EDNRB: variants seen among roughly 807,000 people sequenced by gnomAD.
The protein encoded by EDNRB is Hirschsprung disease 2.
Under a neutral mutation model 46.4 loss-of-function variants are expected in EDNRB, and 18 were observed. The ratio of observed to expected loss-of-function variants is 0.39; its 90% CI spans 0.27 to 0.57. EDNRB has a LOEUF of 0.57. Ranked by LOEUF, EDNRB falls within the 20% of genes least tolerant of loss-of-function variation. The pLI is 0.61. For missense variants in EDNRB, 434 were observed against 537.5 expected, an observed-to-expected ratio of 0.81 and a Z score of 1.90; for synonymous variants, 213 against 204.9, an observed-to-expected ratio of 1.04 and a Z score of -0.34.
chr13:77,917,153 G>A (rs1332472486), intron 1 of EDNRB, among the ~76,000 whole-genome samples: 1 of 152,040 alleles, frequency 6.6e-6, no homozygotes, highest in African/African-American at 2.4e-5. Flanking sequence ...TAATTGATGG[G>A]GTGCCATCAT....
At chr13:77,950,416 A>G (rs1269638470) in intron 1 of EDNRB, among the ~76,000 whole-genome samples, 1 of 152,170 alleles carries the variant, frequency 6.6e-6, no homozygotes, top group African/African-American at 2.4e-5. Flanking sequence ...ATAGGGGACA[A>G]TGGGTTTCCA....
At position 77,918,537 on chromosome 13, in the gene EDNRB, C is replaced by T; in HGVS notation, c.37G>A (p.Val13Ile). 1 of 1,595,228 alleles carries T rather than the reference C, an allele frequency of 6.3e-7. No individual in the cohort carries two copies. Among genetic ancestry groups the T allele is most frequent in the Non-Finnish European group, 8.5e-7 (1 of 1,173,468 alleles). Reference sequence around the variant, plus strand: ...AGGCCGCAGGCAAGAACCAGCGCAACCAGGGCGCGTCCGCACAGACTTGGA... The same window carrying T: ...AGGCCGCAGGCAAGAACCAGCGCAATCAGGGCGCGTCCGCACAGACTTGGA... ...PPPSLCGRAL[V>I]ALVLACGLSR... The change falls in exon 1 of 7, where the codon GTT (valine) becomes ATT (isoleucine). Residue 13 changes from valine to isoleucine, a missense_variant. By Grantham distance (29) the Val-to-Ile change is conservative. Coordinates refer to ENST00000646607, the MANE Select transcript of EDNRB (RefSeq NM_001122659.3). This position sits in a 1 kb window ranked among gnomAD's most constrained non-coding sequence, Gnocchi z 4.5.
rs368695760 is a variant in EDNRB, at chr13:77,949,909, A to G, written c.-52+25438T>C. On this transcript the variant is annotated intron_variant, in intron 1 of 7. Transcript: ENST00000646948. ...TTTCATACATTTCTCATCCCTTCCA[A>G]CCAAAGAGTGACCATATAACCTCTC... Among the ~76,000 whole-genome samples the G allele has an allele frequency of 4.1e-4, 62 of 152,188 alleles. No individual in the cohort carries two copies. The South Asian group carries it at 0.012, about 31-fold the overall frequency.
chr13:77,901,307 T>A, intron 3 of EDNRB, 100 bp from the exon 4 acceptor site: 8 of 1,271,092 alleles, frequency 6.3e-6, no homozygotes, highest in Non-Finnish European at 8.9e-6. Context: ...AATGATTATC[T>A]TCTAAATTAG....
At chr13:77,965,975 C>T (rs1881568187) in intron 1 of EDNRB, among the ~76,000 whole-genome samples, 1 of 152,188 alleles carries the variant, frequency 6.6e-6, no homozygotes. Context: ...CTTTTGGTCT[C>T]AAGCAATCCT....
rs1050928 is a variant in EDNRB at position 77,918,610 on chromosome 13, C to T, written c.-37G>A. 1.9e-6 allele frequency: 3 copies of T among 1,560,544 alleles called. No individual in the cohort carries two copies. The African/African-American group carries it at 4.1e-5, about 21-fold the overall frequency. On this transcript the variant is annotated 5_prime_UTR_variant, in exon 1 of 7. Transcript: ENST00000646607. This position sits in a 1 kb window ranked among gnomAD's most constrained non-coding sequence, Gnocchi z 4.5. ...CTCCAGAAGGCGTCCGGTGGCCGCT[C>T]CGCAGTTTCAGAGCCTAGAGACAAG...
upstream of EDNRB, among the ~76,000 whole-genome samples, chr13:77,923,857 T>G (rs1036993182): frequency 2.6e-5 from 4 of 152,076 alleles, no homozygotes; most frequent in Admixed American, 2.6e-4. Flanking sequence ...AAAAGGAGAA[T>G]TCCCACAGCA....
intron 1 of EDNRB, among the ~76,000 whole-genome samples, chr13:77,946,254 G>T (rs772263423): frequency 4.7e-4 from 71 of 152,214 alleles, no homozygotes; most frequent in Non-Finnish European, 7.8e-4. Context: ...CTATAGTATA[G>T]AATCCCATTC....
At chr13:77,956,215 A>G (rs576373906) in intron 1 of EDNRB, among the ~76,000 whole-genome samples, 1 of 152,148 alleles carries the variant, frequency 6.6e-6, no homozygotes, top group South Asian at 2.1e-4. Context: ...AGTGTCTTAC[A>G]CTTTTCAGTG....
intron 1 of EDNRB, among the ~76,000 whole-genome samples, chr13:77,974,647 C>A (rs1416712215): frequency 6.6e-6 from 1 of 151,358 alleles, no homozygotes; most frequent in East Asian, 1.9e-4. Context: ...CCTCTGCCAG[C>A]CACTTATGCT....
intron 1 of EDNRB, among the ~76,000 whole-genome samples, chr13:77,911,235 C>G (rs1162691565): frequency 6.6e-6 from 1 of 151,992 alleles, no homozygotes; most frequent in Non-Finnish European, 1.5e-5. Context: ...GAATGAGAAC[C>G]TGAGGGCCTC....
intron 1 of EDNRB, among the ~76,000 whole-genome samples, chr13:77,934,689 G>A (rs1054376368): frequency 6.7e-5 from 10 of 149,300 alleles, no homozygotes; most frequent in South Asian, 2.2e-4. Context: ...AGGGGGGGGG[G>A]GGCCTGAATA....
chr13:77,930,858 C>A (rs1880374084), intron 1 of EDNRB, among the ~76,000 whole-genome samples: 1 of 152,008 alleles, frequency 6.6e-6, no homozygotes, highest in Non-Finnish European at 1.5e-5. Context: ...ACACGCACAG[C>A]TGGGTCTCGT....
At chr13:77,929,948 T>C (rs1880343255) in intron 1 of EDNRB, among the ~76,000 whole-genome samples, 1 of 152,342 alleles carries the variant, frequency 6.6e-6, no homozygotes, top group Non-Finnish European at 1.5e-5. Flanking sequence ...TTTACTAATA[T>C]ATGTTCTGGT....
chr13:77,908,021 CAAAAAAA>C (rs1215042889), intron 1 of EDNRB, among the ~76,000 whole-genome samples: 30 of 55,108 alleles, frequency 5.4e-4, no homozygotes, highest in Admixed American at 3.5e-3. Context: ...AAAGAGACTG[CAAAAAAA>C]AAAAAAAAAA....
Position 77,896,745 on chromosome 13 carries a change from C to T in EDNRB, c.*1455G>A. 1.5e-6 allele frequency: 2 copies of T among 1,372,584 alleles called. No homozygotes were observed. Among genetic ancestry groups the T allele is most frequent in the South Asian group, 3.3e-5 (2 of 60,240 alleles). The allele number at this position is 1,372,584 out of a possible 1,614,324, so 85.0% of individuals were successfully genotyped here. A position where few individuals can be genotyped will look rare whatever the true frequency, so the allele number is the denominator to read the frequency against. On this transcript the variant is annotated 3_prime_UTR_variant, in exon 7 of 7. Coordinates refer to ENST00000646607, the MANE Select transcript of EDNRB (RefSeq NM_001122659.3). Reference sequence around the variant, plus strand: ...GTTAGGCTAAGAATGGGAATCTGTCCCCATGGGTTTCCTCCAACCCCACCT... The same window carrying T: ...GTTAGGCTAAGAATGGGAATCTGTCTCCATGGGTTTCCTCCAACCCCACCT...
chr13:77,946,164 A>C (rs1337222614), intron 1 of EDNRB, among the ~76,000 whole-genome samples: 1 of 152,146 alleles, frequency 6.6e-6, no homozygotes, highest in African/African-American at 2.4e-5. Context: ...AAGTGTAGAT[A>C]AATTGCACAC....
upstream of EDNRB, chr13:77,919,176 C>G (rs1292341138): frequency 1.7e-6 from 1 of 582,286 alleles, no homozygotes; most frequent in African/African-American, 1.9e-5. Context: ...GATTCGGAAA[C>G]CCGCAGAGAC....
chr13:77,963,972 A>G (rs1881504377), intron 1 of EDNRB, among the ~76,000 whole-genome samples: 1 of 152,348 alleles, frequency 6.6e-6, no homozygotes, highest in East Asian at 1.9e-4. Flanking sequence ...ATATGAACAG[A>G]CACTTCTCAG....
Sources: gnomAD v4.1 joint callset for allele counts (sites outside exome capture counted in the v4.1 genomes callset) on GRCh38, gnomAD v4.1.1 for gene constraint, Gnocchi (gnomAD v3.1) non-coding constraint, MANE v1.5 for transcripts, NCBI Gene and HGNC (gene_info 2026-07-23, HGNC 2026-07-21) for gene names.